ANKS1A: variants seen among roughly 807,000 people sequenced by gnomAD.
The protein encoded by ANKS1A is ankyrin repeat and sterile alpha motif domain containing 1A.
In ANKS1A, 55 loss-of-function variants were observed where a neutral mutation model predicts 120.3. That is an observed-to-expected ratio of 0.46 (90% CI 0.37 to 0.57). The LOEUF (loss-of-function observed/expected upper bound fraction) is 0.57. ANKS1A is among the 20% of genes least tolerant of loss of function. ANKS1A has a pLI of 0.00. For missense variants in ANKS1A, 1,123 were observed against 1,480.3 expected (o/e 0.76, Z 3.96); for synonymous variants, 590 against 604.7 (o/e 0.98, Z 0.36).
intron 10 of ANKS1A, among the ~76,000 whole-genome samples, chr6:35,017,153 C>T (rs1000470609): frequency 2.0e-5 from 3 of 152,126 alleles, no homozygotes; most frequent in Admixed American, 6.5e-5. Flanking sequence ...ACACTCTTCT[C>T]GCCTTATATA....
At chr6:34,997,011 A>G (rs1268403583) in intron 10 of ANKS1A, among the ~76,000 whole-genome samples, 2 of 151,890 alleles carry the variant, frequency 1.3e-5, no homozygotes, top group Non-Finnish European at 2.9e-5. Flanking sequence ...TTCTAGTTCC[A>G]TTGTCTTTCC....
chr6:34,895,790 T>C (rs921030561), intron 1 of ANKS1A, among the ~76,000 whole-genome samples: 2 of 141,532 alleles, frequency 1.4e-5, no homozygotes, highest in Non-Finnish European at 3.1e-5. Flanking sequence ...CTTTTTTTTT[T>C]TTTTTTTTTT....
intron 11 of ANKS1A, among the ~76,000 whole-genome samples, chr6:35,027,879 A>G (rs1424534184): frequency 1.3e-5 from 2 of 152,222 alleles, no homozygotes; most frequent in African/African-American, 2.4e-5. Flanking sequence ...CAGGGCCAAG[A>G]TGCTGAGCGA....
chr6:35,056,804 G>C (rs1299678338), intron 12 of ANKS1A, among the ~76,000 whole-genome samples: 1 of 152,166 alleles, frequency 6.6e-6, no homozygotes, highest in Non-Finnish European at 1.5e-5. Context: ...GCCCCAGGCT[G>C]CTGTGTCTGC....
At chr6:34,947,188 C>T (rs1769845441) in intron 1 of ANKS1A, among the ~76,000 whole-genome samples, 1 of 141,506 alleles carries the variant, frequency 7.1e-6, no homozygotes, top group Non-Finnish European at 1.5e-5. Context: ...CTCTGTCATC[C>T]AGGCTGGAGT....
chr6:35,005,332 A>T (rs1314522632), intron 10 of ANKS1A, among the ~76,000 whole-genome samples: 2 of 152,124 alleles, frequency 1.3e-5, no homozygotes, highest in East Asian at 3.8e-4. Context: ...TGAGCAACTT[A>T]CCTTATTGAT....
chr6:35,019,380 AG>A (rs1718786736), intron 11 of ANKS1A, among the ~76,000 whole-genome samples: 1 of 152,208 alleles, frequency 6.6e-6, no homozygotes, highest in Non-Finnish European at 1.5e-5. Flanking sequence ...GGTGCTGGAA[AG>A]TTATGTAAAC....
chr6:34,982,219 A>G lies in ANKS1A; in HGVS notation c.732+233A>G, dbSNP rs1266383793. ...GGTAATCCGTAGTCATTAAACCCTGAAAAGATGTGCTTATGGACTGGCTCT... is the reference window on the plus strand; with the variant it reads ...GGTAATCCGTAGTCATTAAACCCTGGAAAGATGTGCTTATGGACTGGCTCT... On this transcript the variant is annotated intron_variant, in intron 4 of 23. Coordinates refer to ENST00000360359, the MANE Select transcript of ANKS1A (RefSeq NM_015245.3). This position sits in a 1 kb window ranked among gnomAD's most constrained non-coding sequence, Gnocchi z 4.9. Among the ~76,000 whole-genome samples the G allele has an allele frequency of 6.6e-6, 1 of 152,222 alleles. No homozygotes were observed. Among genetic ancestry groups the G allele is most frequent in the Non-Finnish European group, 1.5e-5 (1 of 68,040 alleles).
At chr6:34,964,705 T>A (rs1770810524) in intron 1 of ANKS1A, among the ~76,000 whole-genome samples, 1 of 152,212 alleles carries the variant, frequency 6.6e-6, no homozygotes, top group Admixed American at 6.5e-5. Flanking sequence ...TACCAGCATG[T>A]GTCTTTGTGC....
intron 10 of ANKS1A, among the ~76,000 whole-genome samples, chr6:35,005,091 A>G (rs1248870159): frequency 1.3e-5 from 2 of 152,172 alleles, no homozygotes; most frequent in Admixed American, 1.3e-4. Context: ...CATTCTGTAC[A>G]TGTGTTCTTA....
intron 1 of ANKS1A, among the ~76,000 whole-genome samples, chr6:34,936,764 T>G (rs939320010): frequency 3.3e-5 from 5 of 152,210 alleles, no homozygotes; most frequent in Admixed American, 6.5e-5. Flanking sequence ...ATGGCCCCTT[T>G]GCTGATAATT....
intron 1 of ANKS1A, among the ~76,000 whole-genome samples, chr6:34,930,894 T>G (rs1048841935): frequency 4.6e-5 from 7 of 151,078 alleles, no homozygotes; most frequent in Non-Finnish European, 7.4e-5. Flanking sequence ...TTTTTTTTTT[T>G]GAGAAGGAGT....
At chr6:34,987,024 G>T (rs934710231) in intron 8 of ANKS1A, among the ~76,000 whole-genome samples, 1 of 152,188 alleles carries the variant, frequency 6.6e-6, no homozygotes, top group Admixed American at 6.5e-5. Flanking sequence ...ATTTACACAG[G>T]TCTCTTTGTT....
In ANKS1A at chr6:35,055,754, TC is replaced by T. The variant is rs546463295; in HGVS notation, c.2077+1591del. ...TCCTGGTTCCCAGAGCCACCATCGCTCCAGCAGCAATGTTTCCCTGGGTGCT... is the reference window on the plus strand; with the variant it reads ...TCCTGGTTCCCAGAGCCACCATCGCTCAGCAGCAATGTTTCCCTGGGTGCT... On this transcript the variant is annotated intron_variant, in intron 12 of 23. Coordinates refer to ENST00000360359, the MANE Select transcript of ANKS1A (RefSeq NM_015245.3). Among the ~76,000 whole-genome samples, 12 of 152,310 alleles carry T rather than the reference TC, an allele frequency of 7.9e-5. No individual in the cohort carries two copies. The East Asian group carries it at 2.3e-3, about 29-fold the overall frequency.
At chr6:35,092,650 G>A (rs1778343720), downstream of ANKS1A, among the ~76,000 whole-genome samples, 1 of 152,206 alleles carries the variant, frequency 6.6e-6, no homozygotes, top group African/African-American at 2.4e-5. Context: ...AGAAGAGAAA[G>A]GTCAGGTCAT....
intron 3 of ANKS1A, among the ~76,000 whole-genome samples, chr6:34,978,399 T>C (rs975981730): frequency 6.6e-6 from 1 of 152,200 alleles, no homozygotes; most frequent in African/African-American, 2.4e-5. Flanking sequence ...TGTGAACACC[T>C]GTAGTGAGAT....
In ANKS1A at chr6:35,085,493, C is replaced by T. The variant is rs890066004; in HGVS notation, c.3133-273C>T. On this transcript the variant is annotated intron_variant, in intron 21 of 23. Coordinates refer to ENST00000360359, the MANE Select transcript of ANKS1A (RefSeq NM_015245.3). The surrounding 1 kb of genome is among the most constrained non-coding windows in gnomAD (Gnocchi z 4.7). ...AAATACCCAAGTACTGCTGCAGGCA[C>T]GGCACCCTGCCTTGGAAAAGACCTG... is the stretch of plus-strand genomic sequence containing the variant. Among the ~76,000 whole-genome samples, 20 of 152,190 alleles carry T rather than the reference C, an allele frequency of 1.3e-4. No individual in the cohort carries two copies. The highest frequency in any genetic ancestry group is 4.1e-4 in the African/African-American group (17 of 41,436).
At chr6:34,995,508 A>G (rs2127539707) in intron 10 of ANKS1A, among the ~76,000 whole-genome samples, 1 of 152,306 alleles carries the variant, frequency 6.6e-6, no homozygotes, top group Non-Finnish European at 1.5e-5. Flanking sequence ...AACTGCCATC[A>G]CAATAAAAAT....
intron 1 of ANKS1A, among the ~76,000 whole-genome samples, chr6:34,953,530 C>CGG (rs1445604012): frequency 6.6e-6 from 1 of 152,210 alleles, no homozygotes; most frequent in Admixed American, 6.5e-5. Context: ...ATCCCACACT[C>CGG]TTCCCACTGT....
Sources: allele counts gnomAD v4.1 joint callset (sites outside exome capture counted in the v4.1 genomes callset), GRCh38; gene constraint gnomAD v4.1.1; non-coding constraint Gnocchi (gnomAD v3.1); transcripts MANE v1.5; gene names NCBI Gene and HGNC (gene_info 2026-07-23, HGNC 2026-07-21).